Variants in NUP153 observed in about 807,000 individuals in gnomAD.
NUP153 encodes nucleoporin 153.
In NUP153, 27 loss-of-function variants were observed where a neutral mutation model predicts 134.6. The ratio of observed to expected loss-of-function variants is 0.20; its 90% CI spans 0.15 to 0.28. The LOEUF (loss-of-function observed/expected upper bound fraction) is 0.28, where lower values mean the gene tolerates loss of function less well. Ranked by LOEUF, NUP153 falls within the 10% of genes least tolerant of loss-of-function variation. The probability of loss-of-function intolerance (pLI) is 1.00; values close to 1 mark genes in which losing one functional copy is unlikely to be tolerated. For missense variants in NUP153, 1,821 were observed against 1,731.3 expected (o/e 1.05, Z -0.92); for synonymous variants, 640 against 623.5 (o/e 1.03, Z -0.40).
At chr6:17,640,157 T>G (rs1371528093) in intron 14 of NUP153, 93 bp from the exon 15 acceptor site, 2 of 973,714 alleles carry the variant, frequency 2.1e-6, no homozygotes, top group African/African-American at 1.7e-5. Context: ...ATCTTTTGGA[T>G]TAATTTCTAA....
intron 2 of NUP153, among the ~76,000 whole-genome samples, chr6:17,679,259 AAAGT>A (rs1445801411): frequency 6.6e-6 from 1 of 152,166 alleles, no homozygotes; most frequent in Non-Finnish European, 1.5e-5. Context: ...AACAATCTGA[AAAGT>A]AAGAAAACAA....
At chr6:17,682,597 A>G (rs1433979283) in intron 2 of NUP153, among the ~76,000 whole-genome samples, 1 of 152,146 alleles carries the variant, frequency 6.6e-6, no homozygotes, top group African/African-American at 2.4e-5. Flanking sequence ...TGTGCACAGT[A>G]TCTTCACCAA....
At chr6:17,691,602 T>C (rs1436033193) in intron 1 of NUP153, among the ~76,000 whole-genome samples, 1 of 152,042 alleles carries the variant, frequency 6.6e-6, no homozygotes, top group Non-Finnish European at 1.5e-5. Context: ...CCGTATCTAC[T>C]AAAAATACAA....
intron 17 of NUP153, among the ~76,000 whole-genome samples, chr6:17,632,351 C>A (rs1222802287): frequency 6.6e-6 from 1 of 151,888 alleles, no homozygotes; most frequent in Non-Finnish European, 1.5e-5. Context: ...AAACAAAGAA[C>A]AGTTCACCTA....
chr6:17,626,014 C>G lies in NUP153; in HGVS notation c.3695G>C (p.Ser1232Thr). 6.2e-7 allele frequency: 1 copy of G among 1,614,188 alleles called. No homozygotes were observed. Among genetic ancestry groups the G allele is most frequent in the Non-Finnish European group, 8.5e-7 (1 of 1,180,040 alleles). The change falls in exon 19 of 22, where the codon AGC becomes ACC. Residue 1232 changes from serine to threonine, a missense_variant. Coordinates refer to ENST00000262077, the MANE Select transcript of NUP153 (RefSeq NM_005124.4). ...AAAGGCAGAGCTGCTCACAGGATTG[C>G]TGGACTGTCCAAACACAAAGGTAGC... Reference protein sequence around the residue: ...PVATFVFGQSSNPVSSSAFGN... With the variant: ...PVATFVFGQSTNPVSSSAFGN...
intron 1 of NUP153, among the ~76,000 whole-genome samples, chr6:17,704,744 T>A (rs995212593): frequency 1.3e-5 from 2 of 149,472 alleles, no homozygotes; most frequent in Admixed American, 6.7e-5. Context: ...AAAAAAAAAA[T>A]TCCTCAAATC....
intron 11 of NUP153, among the ~76,000 whole-genome samples, chr6:17,654,869 T>C (rs988289221): frequency 7.0e-6 from 1 of 143,080 alleles, no homozygotes; most frequent in African/African-American, 2.5e-5. Flanking sequence ...CAGGGAGATA[T>C]ATGGCATAAT....
intron 1 of NUP153, among the ~76,000 whole-genome samples, chr6:17,694,025 A>AT (rs974104736): frequency 2.6e-5 from 4 of 151,912 alleles, no homozygotes; most frequent in East Asian, 1.9e-4. Flanking sequence ...TTTTTTCTAT[A>AT]TTTTTTTCAA....
In NUP153 at chr6:17,688,422, G is replaced by T. The variant is rs775388361; in HGVS notation, c.308C>A (p.Pro103His). 3 of 1,613,746 alleles carry T rather than the reference G, an allele frequency of 1.9e-6. No individual in the cohort carries two copies. Among genetic ancestry groups the T allele is most frequent in the Non-Finnish European group, 1.7e-6 (2 of 1,179,666 alleles). Residue 103 changes from proline to histidine, a missense_variant, in exon 2 of 22, where the codon CCT becomes CAT. Pro to His is a moderately conservative substitution (Grantham distance 77). Transcript: ENST00000262077. ...SSNITDGRIT[P>H]EPAVSNTEEP... The stretch of plus-strand genomic sequence containing the variant: ...TTCTGTATTACTGACTGCTGGCTCA[G>T]GTGTGATTCTCCCATCAGTAATATT...
chr6:17,678,127 G>A (rs769940574), intron 2 of NUP153, among the ~76,000 whole-genome samples: 2 of 151,812 alleles, frequency 1.3e-5, no homozygotes, highest in African/African-American at 2.4e-5. Flanking sequence ...AGGCCAAGGC[G>A]GGCAGATGAC....
chr6:17,645,018 G>C (rs1766072633), intron 14 of NUP153, among the ~76,000 whole-genome samples: 1 of 152,118 alleles, frequency 6.6e-6, no homozygotes, highest in African/African-American at 2.4e-5. Context: ...CTGGGAGGCG[G>C]AGGTTGCAGT....
At chr6:17,617,390 C>T (rs1764387586) in intron 20 of NUP153, among the ~76,000 whole-genome samples, 1 of 146,292 alleles carries the variant, frequency 6.8e-6, no homozygotes, top group Non-Finnish European at 1.5e-5. Context: ...AGAACAGAAG[C>T]AATTGCATTT....
At chr6:17,634,676 A>C (rs1765434834) in intron 16 of NUP153, among the ~76,000 whole-genome samples, 1 of 152,168 alleles carries the variant, frequency 6.6e-6, no homozygotes, top group African/African-American at 2.4e-5. Context: ...ACCTCAGGTG[A>C]TCTGCCTGCC....
intron 20 of NUP153, among the ~76,000 whole-genome samples, chr6:17,618,787 C>T (rs371432886): frequency 1.1e-4 from 17 of 152,184 alleles, no homozygotes; most frequent in South Asian, 1.0e-3. Flanking sequence ...AGGATGGTCT[C>T]GATATCCTGA....
chr6:17,669,539 A>G lies in NUP153; in HGVS notation c.860T>C (p.Val287Ala), dbSNP rs1767769421. 1 of 1,606,928 alleles carries G rather than the reference A, an allele frequency of 6.2e-7. No homozygotes were observed. Among genetic ancestry groups the G allele is most frequent in the Non-Finnish European group, 8.5e-7 (1 of 1,173,418 alleles). The change falls in exon 6 of 22, where the codon GTT (valine) becomes GCT (alanine). Residue 287 changes from valine (V) to alanine (A), a missense_variant. Transcript: ENST00000262077. ...TTGCTTAGCTTTCATTTGTCTTCTA[A>G]CTGGTGCCTGTAAAGTAAACCCTAT... ...KLRNTPYQAP[V>A]RRQMKAKQLS...
At chr6:17,661,081 G>C (rs184374657) in intron 11 of NUP153, among the ~76,000 whole-genome samples, 1 of 152,122 alleles carries the variant, frequency 6.6e-6, no homozygotes, top group African/African-American at 2.4e-5. Flanking sequence ...TTGCAAGGCC[G>C]AGGCAGGTGG....
chr6:17,634,528 C>T (rs917398077), intron 16 of NUP153, among the ~76,000 whole-genome samples: 4 of 152,118 alleles, frequency 2.6e-5, no homozygotes, highest in African/African-American at 9.7e-5. Context: ...CCTCCACCTC[C>T]CAGGTTCAAG....
At chr6:17,633,978 G>T (rs1185207357) in intron 16 of NUP153, among the ~76,000 whole-genome samples, 1 of 152,112 alleles carries the variant, frequency 6.6e-6, no homozygotes, top group Non-Finnish European at 1.5e-5. Flanking sequence ...GCTTGTCACT[G>T]TAGTCTCTTA....
At chr6:17,698,608 G>A (rs926662690) in intron 1 of NUP153, among the ~76,000 whole-genome samples, 1 of 151,850 alleles carries the variant, frequency 6.6e-6, no homozygotes, top group African/African-American at 2.4e-5. Flanking sequence ...CGTGGTGGTG[G>A]GCACCTGTAG....
Sources: allele counts gnomAD v4.1 joint callset (sites outside exome capture counted in the v4.1 genomes callset), GRCh38; gene constraint gnomAD v4.1.1; transcripts MANE v1.5; gene names NCBI Gene and HGNC (gene_info 2026-07-23, HGNC 2026-07-21).